The following TNFRSF21 variants were observed in gnomAD, a reference collection of about 807,000 sequenced individuals.
The protein encoded by TNFRSF21 is tumor necrosis factor receptor superfamily member 21.
A neutral mutation model predicts 45.6 loss-of-function variants in TNFRSF21; 19 were observed. The ratio of observed to expected loss-of-function variants is 0.42; its 90% CI spans 0.29 to 0.61. TNFRSF21 has a LOEUF of 0.61. Among genes scored for constraint, TNFRSF21 ranks in the 20% least tolerant of loss-of-function variants. TNFRSF21 has a pLI of 0.23. For synonymous variants in TNFRSF21, 314 were observed against 335.5 expected, an observed-to-expected ratio of 0.94 and a Z score of 0.70; for missense variants, 737 against 851.5, an observed-to-expected ratio of 0.87 and a Z score of 1.67.
chr6:47,246,981 C>T (rs1884310), intron 4 of TNFRSF21, among the ~76,000 whole-genome samples: 17,708 of 152,140 alleles, frequency 0.12, 1,942 homozygotes, highest in African/African-American at 0.29. Context: ...TATTTGCACA[C>T]GTGTCTCCAT....
chr6:47,267,328 G>C (rs1242355906), intron 3 of TNFRSF21, among the ~76,000 whole-genome samples: 2 of 152,058 alleles, frequency 1.3e-5, no homozygotes, highest in Non-Finnish European at 2.9e-5. Flanking sequence ...TCGAACTCCT[G>C]ACCTCAAGTG....
In TNFRSF21 at chr6:47,309,560, G is replaced by A. The variant is rs1762988697; in HGVS notation, c.-49C>T. 2 of 1,391,646 alleles carry A rather than the reference G, an allele frequency of 1.4e-6. No individual in the cohort carries two copies. Among genetic ancestry groups the A allele is most frequent in the African/African-American group, 1.5e-5 (1 of 65,460 alleles). The allele number at this position is 1,391,646 out of a possible 1,614,324, so 86.2% of individuals were successfully genotyped here. ...GCGCCCGGGGCGCGCGGGGCAGCTGGAATCGGCGGCTGCTTCTGCCCAGCG... is the reference window on the plus strand; with the variant it reads ...GCGCCCGGGGCGCGCGGGGCAGCTGAAATCGGCGGCTGCTTCTGCCCAGCG... On this transcript the variant is annotated 5_prime_UTR_variant, in exon 1 of 6. Transcript: ENST00000296861.
In TNFRSF21 at chr6:47,284,060, G is replaced by A. The variant is rs760563288; in HGVS notation, c.1121C>T (p.Ser374Leu). ...CCGGGGCCCCTTTTTCAGAGTCCTC[G>A]AGCTTTTCCGGATACTGCACACCAC... ...VIVVCSIRKSSRTLKKGPRQD... is the reference protein window; with the variant it reads ...VIVVCSIRKSLRTLKKGPRQD... The change falls in exon 3 of 6, where the codon TCG becomes TTG. Residue 374 changes from serine to leucine, a missense_variant. Coordinates refer to ENST00000296861, the MANE Select transcript of TNFRSF21 (RefSeq NM_014452.5). 5.0e-6 allele frequency: 8 copies of A among 1,614,174 alleles called. No individual in the cohort carries two copies. The highest frequency in any genetic ancestry group is 1.1e-5 in the South Asian group (1 of 91,074).
At position 47,232,844 on chromosome 6, in the gene TNFRSF21, T is replaced by C. The variant is rs747406337; in HGVS notation, c.1889A>G (p.Glu630Gly). ...TTCCTGGCTCTTGACTCCAATAATT[T>C]CGAATAGCCGGTCTAGTTTGTCCTC... ...QAEDKLDRLF[E>G]IIGVKSQEAS... Residue 630 changes from glutamate (E) to glycine (G), a missense_variant, in exon 6 of 6, where the codon GAA becomes GGA. Coordinates refer to ENST00000296861, the MANE Select transcript of TNFRSF21 (RefSeq NM_014452.5). 3.1e-6 allele frequency: 5 copies of C among 1,614,126 alleles called. No individual in the cohort carries two copies. The South Asian group carries it at 5.5e-5, about 18-fold the overall frequency.
chr6:47,305,779 T>G (rs539855174), intron 1 of TNFRSF21, among the ~76,000 whole-genome samples: 132 of 152,330 alleles, frequency 8.7e-4, no homozygotes, highest in African/African-American at 3.0e-3. Context: ...TTTCTAAAAC[T>G]TCAGACCTCA....
At chr6:47,241,401 A>G (rs1282283942) in intron 4 of TNFRSF21, among the ~76,000 whole-genome samples, 1 of 152,230 alleles carries the variant, frequency 6.6e-6, no homozygotes, top group South Asian at 2.1e-4. Flanking sequence ...ATGATTTTAA[A>G]ATTATTCTTC....
chr6:47,250,029 A>T (rs1437053546), intron 4 of TNFRSF21, among the ~76,000 whole-genome samples: 2 of 152,192 alleles, frequency 1.3e-5, no homozygotes, highest in Non-Finnish European at 2.9e-5. Flanking sequence ...ATTACATTTT[A>T]AAAATTACAT....
intron 4 of TNFRSF21, among the ~76,000 whole-genome samples, chr6:47,249,546 G>A (rs16869195): frequency 0.026 from 3,919 of 152,202 alleles, 162 homozygotes; most frequent in African/African-American, 0.086. Context: ...ATTTTCTCAG[G>A]TAGAAGTTGA....
intron 1 of TNFRSF21, among the ~76,000 whole-genome samples, chr6:47,304,427 T>C (rs116834022): frequency 6.6e-6 from 1 of 152,316 alleles, no homozygotes; most frequent in African/African-American, 2.4e-5. Flanking sequence ...TCTTCGTGGA[T>C]ATAGTTGCCT....
rs117563134 is a variant in TNFRSF21 at position 47,264,888 on chromosome 6, C to T, written c.1244-11367G>A. On this transcript the variant is annotated intron_variant, in intron 3 of 5. Coordinates refer to ENST00000296861, the MANE Select transcript of TNFRSF21 (RefSeq NM_014452.5). ...CCATAGCTGGAACACTAGGACACAGCAGCCTCTTAAAGGGAATAACCTGCT... is the reference window on the plus strand; with the variant it reads ...CCATAGCTGGAACACTAGGACACAGTAGCCTCTTAAAGGGAATAACCTGCT... Among the ~76,000 whole-genome samples the T allele has an allele frequency of 2.2e-3, 338 of 152,338 alleles. 9 individuals are homozygous for T. The East Asian group carries it at 0.061, about 27-fold the overall frequency.
intron 3 of TNFRSF21, among the ~76,000 whole-genome samples, chr6:47,269,868 C>T (rs1762390473): frequency 2.0e-5 from 3 of 152,210 alleles, no homozygotes. Flanking sequence ...CCCAGCAGAG[C>T]ACTTAGCCTA....
intron 3 of TNFRSF21, among the ~76,000 whole-genome samples, chr6:47,280,260 T>C (rs1262733298): frequency 6.6e-6 from 1 of 152,156 alleles, no homozygotes; most frequent in Non-Finnish European, 1.5e-5. Context: ...CTTATCCTCA[T>C]GAACAATTCA....
chr6:47,285,606 A>G (rs1369622810), intron 2 of TNFRSF21, among the ~76,000 whole-genome samples: 1 of 152,190 alleles, frequency 6.6e-6, no homozygotes, highest in Non-Finnish European at 1.5e-5. Flanking sequence ...CATCTAAATT[A>G]TTCATTTGTT....
chr6:47,266,427 T>A (rs1181946791), intron 3 of TNFRSF21, among the ~76,000 whole-genome samples: 1 of 152,184 alleles, frequency 6.6e-6, no homozygotes, highest in African/African-American at 2.4e-5. Context: ...ATGATTTGCT[T>A]TGCTTGAGTA....
In TNFRSF21 at chr6:47,261,135, G is replaced by A. The variant is rs146773546; in HGVS notation, c.1244-7614C>T. On this transcript the variant is annotated intron_variant, in intron 3 of 5. Transcript: ENST00000296861. ...TAAAAGACATGCTCCTAACAGGCAC[G>A]CACTGTGTCCATAACCTTACAAGCT... Among the ~76,000 whole-genome samples, 158 of 152,232 alleles carry A rather than the reference G, an allele frequency of 1.0e-3. No individual in the cohort carries two copies. In the Middle Eastern group the frequency reaches 0.027, roughly 26 times the overall value.
rs560278108 is a variant in TNFRSF21 at position 47,253,617 on chromosome 6, C to T, written c.1244-96G>A. On this transcript the variant is annotated intron_variant, in intron 3 of 5. Coordinates refer to ENST00000296861, the MANE Select transcript of TNFRSF21 (RefSeq NM_014452.5). ...TTTAATGAATGAACTAGAAGAGGCA[C>T]GCTTTCCTATCGCTGTATGTCAAAG... The T allele has an allele frequency of 3.5e-4, 498 of 1,419,090 alleles. 4 individuals are homozygous for T. The South Asian group carries it at 6.2e-3, about 18-fold the overall frequency. 87.9% of individuals were successfully genotyped at this position (1,419,090 alleles called of 1,614,324 possible).
At chr6:47,255,586 C>G (rs1764973914) in intron 3 of TNFRSF21, among the ~76,000 whole-genome samples, 2 of 152,110 alleles carry the variant, frequency 1.3e-5, no homozygotes, top group Non-Finnish European at 2.9e-5. Context: ...CTCACCCTCC[C>G]AAGTAGCTGG....
chr6:47,288,516 C>G (rs946793677), intron 1 of TNFRSF21, among the ~76,000 whole-genome samples: 2 of 151,672 alleles, frequency 1.3e-5, no homozygotes, highest in African/African-American at 4.8e-5. Flanking sequence ...ATCTGTATAC[C>G]CTTTTTAGTG....
At chr6:47,285,279 A>T (rs1288262894) in intron 2 of TNFRSF21, among the ~76,000 whole-genome samples, 1 of 152,186 alleles carries the variant, frequency 6.6e-6, no homozygotes, top group Non-Finnish European at 1.5e-5. Context: ...ATAAAGGATA[A>T]ATTTTATATT....
Sources: allele counts gnomAD v4.1 joint callset (sites outside exome capture counted in the v4.1 genomes callset), GRCh38; gene constraint gnomAD v4.1.1; transcripts MANE v1.5; gene names NCBI Gene and HGNC (gene_info 2026-07-23, HGNC 2026-07-21).